Variants in OR10R2 observed in about 807,000 individuals in gnomAD.
OR10R2 encodes the protein olfactory receptor family 10 subfamily R member 2.
A neutral mutation model predicts 2.4 loss-of-function variants in OR10R2; 1 was observed. The observed-to-expected ratio is 0.41, with a 90% CI of 0.15 to 1.95. OR10R2 has a LOEUF of 1.95. Among genes scored for constraint, OR10R2 ranks in the 30% most tolerant of loss-of-function variants. The probability of loss-of-function intolerance (pLI) is 0.30; values close to 1 mark genes in which losing one functional copy is unlikely to be tolerated. For missense variants in OR10R2, 419 were observed against 373.0 expected (o/e 1.12, Z -1.01); for synonymous variants, 166 against 144.8 (o/e 1.15, Z -1.05).
At position 158,478,653 on chromosome 1, in the gene OR10R2, A is replaced by G. The variant is rs1056137365; in HGVS notation, c.28-1285A>G. ...AAAGCAGTTTATGTATCAGAATTCA[A>G]TGACTCTACAATGGACCATGTTTTA... On this transcript the variant is annotated intron_variant, in intron 1 of 1. Coordinates refer to ENST00000641067, the Ensembl canonical transcript of OR10R2. Among the ~76,000 whole-genome samples the G allele has an allele frequency of 1.2e-4, 19 of 152,278 alleles. 1 individual carries two copies. Among genetic ancestry groups the G allele is most frequent in the Non-Finnish European group, 7.4e-5 (5 of 67,996 alleles).
chr1:158,474,009 C>T (rs534970484), intron 1 of OR10R2, among the ~76,000 whole-genome samples: 3 of 146,994 alleles, frequency 2.0e-5, no homozygotes, highest in East Asian at 4.1e-4. Context: ...CTTCATTTCT[C>T]CCTTTCTTCC....
intron 1 of OR10R2, among the ~76,000 whole-genome samples, chr1:158,472,918 G>A (rs1361234582): frequency 2.0e-5 from 3 of 152,116 alleles, no homozygotes; most frequent in Admixed American, 6.6e-5. Flanking sequence ...ATAATTCTGG[G>A]CTACATTTTT....
At chr1:158,479,088 G>C (rs997413712) in intron 1 of OR10R2, among the ~76,000 whole-genome samples, 1 of 152,160 alleles carries the variant, frequency 6.6e-6, no homozygotes, top group Non-Finnish European at 1.5e-5. Context: ...TCTTCAAAGA[G>C]CTGTGATGTG....
At chr1:158,475,429 C>T (rs1253812393) in intron 1 of OR10R2, among the ~76,000 whole-genome samples, 1 of 151,898 alleles carries the variant, frequency 6.6e-6, no homozygotes, top group Non-Finnish European at 1.5e-5. Context: ...ATAACACCAC[C>T]ACAGCTAATT....
intron 1 of OR10R2, among the ~76,000 whole-genome samples, chr1:158,476,726 A>G (rs1411897947): frequency 6.6e-6 from 1 of 152,142 alleles, no homozygotes; most frequent in East Asian, 1.9e-4. Context: ...TGAAAGGGTG[A>G]TGGATCATTT....
intron 1 of OR10R2, among the ~76,000 whole-genome samples, chr1:158,477,744 A>T (rs779611345): frequency 3.3e-5 from 5 of 152,206 alleles, no homozygotes; most frequent in South Asian, 4.1e-4. Flanking sequence ...CAATTTACAG[A>T]TTCAATGCTA....
chr1:158,476,579 A>G (rs1001099535), intron 1 of OR10R2, among the ~76,000 whole-genome samples: 10 of 144,148 alleles, frequency 6.9e-5, no homozygotes, highest in Admixed American at 6.7e-4. Context: ...AAAAATTAAA[A>G]TAATTAAACT....
At chr1:158,478,926 AC>A (rs1656323166) in intron 1 of OR10R2, among the ~76,000 whole-genome samples, 3 of 152,030 alleles carry the variant, frequency 2.0e-5, no homozygotes, top group African/African-American at 7.2e-5. Flanking sequence ...CTATCTCCCA[AC>A]CCTCTGTTCA....
exon 2 of OR10R2, chr1:158,479,979 G>A: frequency 6.2e-7 from 1 of 1,613,954 alleles, no homozygotes; most frequent in Non-Finnish European, 8.5e-7. Flanking sequence ...AATTCCTGTT[G>A]CTGGGTTTTT....
exon 2 of OR10R2, chr1:158,480,130 A>G (rs139880690): frequency 6.2e-7 from 1 of 1,613,700 alleles, no homozygotes; most frequent in Non-Finnish European, 8.5e-7. Flanking sequence ...CTTCCTTGGC[A>G]TTCTCTCAAC....
intron 1 of OR10R2, among the ~76,000 whole-genome samples, chr1:158,476,870 T>C (rs892268900): frequency 2.0e-5 from 3 of 152,150 alleles, no homozygotes; most frequent in Non-Finnish European, 4.4e-5. Flanking sequence ...TGGCTGCTTG[T>C]ATGTCTTATT....
intron 1 of OR10R2, among the ~76,000 whole-genome samples, chr1:158,473,991 TTCTC>T (rs1656221551): frequency 6.6e-6 from 1 of 151,368 alleles, no homozygotes; most frequent in Non-Finnish European, 1.5e-5. Flanking sequence ...TTTTCTTTTC[TTCTC>T]TTTCTTCATT....
chr1:158,479,927 C>A lies in OR10R2; in HGVS notation c.28-11C>A. 6.2e-7 allele frequency: 1 copy of A among 1,613,706 alleles called. No homozygotes were observed. Among genetic ancestry groups the A allele is most frequent in the Non-Finnish European group, 8.5e-7 (1 of 1,179,746 alleles). ...TACCTGAATATGTTTTACTTCTTTCCCCCTTTGCAGATCTTGGCAGAAAAC... is the reference window on the plus strand; with the variant it reads ...TACCTGAATATGTTTTACTTCTTTCACCCTTTGCAGATCTTGGCAGAAAAC... On this transcript the variant is annotated splice_polypyrimidine_tract_variant and intron_variant, in intron 1 of 1. Transcript: ENST00000641067.
chr1:158,476,937 T>C (rs1198729240), intron 1 of OR10R2, among the ~76,000 whole-genome samples: 1 of 152,192 alleles, frequency 6.6e-6, no homozygotes, highest in Non-Finnish European at 1.5e-5. Flanking sequence ...TATTGTTTTT[T>C]GCTTGATTTG....
At position 158,473,970 on chromosome 1, in the gene OR10R2, TTTTC is replaced by T. The variant is rs200899382; in HGVS notation, c.27+1626_27+1629del. Among the ~76,000 whole-genome samples, 923 of 148,828 alleles carry T rather than the reference TTTTC, an allele frequency of 6.2e-3. 17 individuals are homozygous for T. Among genetic ancestry groups the T allele is most frequent in the African/African-American group, 0.022 (878 of 39,802 alleles). On this transcript the variant is annotated intron_variant, in intron 1 of 1. Coordinates refer to ENST00000641067, the Ensembl canonical transcript of OR10R2. ...CTCTCTCTTTCTTTCTTTCTTTTTC[TTTTC>T]TTTCTTTTTTCTTTTCTTCTCTTTC...
exon 2 of OR10R2, chr1:158,480,506 C>G (rs1451390493): frequency 5.0e-6 from 8 of 1,613,146 alleles, no homozygotes; most frequent in Non-Finnish European, 6.8e-6. Context: ...CTGGCTTGTA[C>G]CAACACAGAT....
rs1261730307 is a variant in OR10R2, at chr1:158,480,579, CTG to C, written c.673_674del (p.Val225PhefsTer16). 1.2e-6 allele frequency: 2 copies of C among 1,613,388 alleles called. No individual in the cohort carries two copies. The highest frequency in any genetic ancestry group is 2.7e-5 in the African/African-American group (2 of 74,974). ...TACTTGTGGTTCCCTTTCTGTTTATCTGTGTTTCTTATCTCTGCATTCTGAGG... is the reference window on the plus strand; with the variant it reads ...TACTTGTGGTTCCCTTTCTGTTTATCTGTTTCTTATCTCTGCATTCTGAGG... On this transcript the variant is annotated frameshift_variant, in exon 2 of 2. Coordinates refer to ENST00000641067, the Ensembl canonical transcript of OR10R2. LOFTEE classifies it low-confidence loss of function (END_TRUNC).
chr1:158,475,100 T>A (rs1418832727), intron 1 of OR10R2, among the ~76,000 whole-genome samples: 1 of 151,608 alleles, frequency 6.6e-6, no homozygotes, highest in East Asian at 1.9e-4. Context: ...TTAAATAAAT[T>A]GTCTAAGGTT....
chr1:158,478,592 T>C (rs1656318675), intron 1 of OR10R2, among the ~76,000 whole-genome samples: 1 of 152,198 alleles, frequency 6.6e-6, no homozygotes, highest in East Asian at 1.9e-4. Flanking sequence ...ACCCCAATTT[T>C]CATTTTTTCA....
Sources: allele counts gnomAD v4.1 joint callset (sites outside exome capture counted in the v4.1 genomes callset), GRCh38; gene constraint gnomAD v4.1.1; transcripts MANE v1.5; gene names NCBI Gene and HGNC (gene_info 2026-07-23, HGNC 2026-07-21).